The following APP variants were observed in gnomAD, a reference collection of about 807,000 sequenced individuals.
The protein encoded by APP is amyloid-beta precursor protein.
A neutral mutation model predicts 101.4 loss-of-function variants in APP; 31 were observed. The ratio of observed to expected loss-of-function variants is 0.31; its 90% CI spans 0.23 to 0.41. The LOEUF is 0.41. APP is among the 10% of genes least tolerant of loss of function. The pLI, the probability that APP is intolerant of heterozygous loss-of-function variation, is 1.00. For synonymous variants in APP, 366 were observed against 364.4 expected (o/e 1.00, Z -0.05); for missense variants, 839 against 1,003.7 (o/e 0.84, Z 2.22).
At chr21:26,153,897 A>G (rs965184282) in intron 1 of APP, among the ~76,000 whole-genome samples, 1 of 152,244 alleles carries the variant, frequency 6.6e-6, no homozygotes, top group African/African-American at 2.4e-5. Flanking sequence ...ATGCTGGTAA[A>G]TATTTCAGGA....
chr21:25,944,424 T>G (rs575717077), intron 13 of APP, among the ~76,000 whole-genome samples: 1 of 152,174 alleles, frequency 6.6e-6, no homozygotes, highest in African/African-American at 2.4e-5. Context: ...CTTCTATGAT[T>G]TACTTTCTAA....
chr21:26,144,185 C>T (rs1004558714), intron 1 of APP, among the ~76,000 whole-genome samples: 18 of 152,024 alleles, frequency 1.2e-4, no homozygotes, highest in African/African-American at 3.4e-4. Context: ...TGGGGGAAAC[C>T]GCCTCTATGA....
At chr21:25,955,565 A>T in intron 12 of APP, 62 bp downstream of exon 12, 1 of 1,612,780 alleles carries the variant, frequency 6.2e-7, no homozygotes, top group Non-Finnish European at 8.5e-7. Flanking sequence ...CCTGTCACCA[A>T]CCCAAGAAGC....
chr21:26,085,716 CTT>C (rs1424592365), intron 3 of APP, among the ~76,000 whole-genome samples: 1 of 152,120 alleles, frequency 6.6e-6, no homozygotes, highest in Non-Finnish European at 1.5e-5. Flanking sequence ...CAAATACATC[CTT>C]TCCATGCTAA....
chr21:26,164,404 T>C (rs1461654573), intron 1 of APP, among the ~76,000 whole-genome samples: 1 of 152,254 alleles, frequency 6.6e-6, no homozygotes, highest in Non-Finnish European at 1.5e-5. Context: ...GCATTTGAAA[T>C]CTTCCATTTC....
chr21:26,138,411 T>C (rs2062966477), intron 1 of APP, among the ~76,000 whole-genome samples: 1 of 151,826 alleles, frequency 6.6e-6, no homozygotes, highest in African/African-American at 2.4e-5. Context: ...ACTTATAGAA[T>C]GTCATTCTCA....
At chr21:26,065,212 T>C (rs1321237680) in intron 3 of APP, among the ~76,000 whole-genome samples, 1 of 152,182 alleles carries the variant, frequency 6.6e-6, no homozygotes, top group Non-Finnish European at 1.5e-5. Context: ...CACAGGATCA[T>C]TGTCAGGGCA....
At chr21:25,940,460 C>G (rs1336905205) in intron 13 of APP, among the ~76,000 whole-genome samples, 1 of 152,156 alleles carries the variant, frequency 6.6e-6, no homozygotes, top group Non-Finnish European at 1.5e-5. Context: ...CTTATCATGA[C>G]AAGGCATAAC....
chr21:25,918,793 G>C (rs983815151), intron 13 of APP, among the ~76,000 whole-genome samples: 17 of 150,578 alleles, frequency 1.1e-4, no homozygotes, highest in African/African-American at 4.1e-4. Flanking sequence ...AGGCGGCAGC[G>C]AGGCTGGGGG....
chr21:26,109,459 TC>T (rs1203520173), intron 2 of APP, among the ~76,000 whole-genome samples: 1 of 152,174 alleles, frequency 6.6e-6, no homozygotes, highest in Non-Finnish European at 1.5e-5. Context: ...TGTGTCTTCT[TC>T]CCCTTCACCT....
At chr21:25,901,630 A>T (rs538425610) in intron 15 of APP, among the ~76,000 whole-genome samples, 4 of 152,214 alleles carry the variant, frequency 2.6e-5, no homozygotes, top group Non-Finnish European at 5.9e-5. Flanking sequence ...GCATGTAATA[A>T]AATGTGATGA....
At chr21:26,087,893 G>A (rs985298189) in intron 3 of APP, among the ~76,000 whole-genome samples, 1 of 152,194 alleles carries the variant, frequency 6.6e-6, no homozygotes, top group Non-Finnish European at 1.5e-5. Flanking sequence ...CAGTCTCCGT[G>A]TAATTATAAT....
rs114945000 is a variant in APP, at chr21:26,056,404, T to C, written c.356-3056A>G. 3.0e-3 allele frequency among the ~76,000 whole-genome samples: 452 copies of C among 152,310 alleles called. 2 individuals are homozygous for C. Among genetic ancestry groups the C allele is most frequent in the African/African-American group, 0.01 (426 of 41,558 alleles). ...CTTAAAAGCCTGAATTAATTAAAAGTTGCCTTGGATATTAGGAGTTCATTA... is the reference window on the plus strand; with the variant it reads ...CTTAAAAGCCTGAATTAATTAAAAGCTGCCTTGGATATTAGGAGTTCATTA... On this transcript the variant is annotated intron_variant, in intron 3 of 17. Transcript: ENST00000346798.
intron 1 of APP, among the ~76,000 whole-genome samples, chr21:26,167,457 T>C (rs748100097): frequency 2.6e-5 from 4 of 152,386 alleles, no homozygotes; most frequent in Non-Finnish European, 4.4e-5. Context: ...TGTACATTTC[T>C]ACTGAATTTA....
At chr21:26,054,541 TG>T (rs954572609) in intron 3 of APP, among the ~76,000 whole-genome samples, 3 of 150,236 alleles carry the variant, frequency 2.0e-5, no homozygotes, top group African/African-American at 7.3e-5. Flanking sequence ...GAAGTAGCAC[TG>T]GGGAAGCATG....
chr21:26,162,351 A>C (rs1331036361), intron 1 of APP, among the ~76,000 whole-genome samples: 1 of 152,218 alleles, frequency 6.6e-6, no homozygotes, highest in East Asian at 1.9e-4. Context: ...CAGTATCAAT[A>C]TGCTTTTGAA....
intron 13 of APP, among the ~76,000 whole-genome samples, chr21:25,945,183 A>C (rs1167287938): frequency 6.6e-6 from 1 of 152,174 alleles, no homozygotes; most frequent in Non-Finnish European, 1.5e-5. Context: ...TCTCACCAAA[A>C]TTTGGAGTAA....
In APP at chr21:26,140,217, T is replaced by TC. The variant is rs774950166; in HGVS notation, c.58-28072dup. ...CATTTGAATCTGGGGAAGAGCTGGC[T>TC]CCAATCATTGTCAATTACATCAGCA... On this transcript the variant is annotated intron_variant, in intron 1 of 17. Transcript: ENST00000346798. 5 of 1,536,010 alleles carry TC rather than the reference T, an allele frequency of 3.3e-6. No homozygotes were observed. In the Admixed American group the frequency reaches 5.9e-5, roughly 18 times the overall value.
At chr21:25,906,753 G>C (rs1221866377) in intron 14 of APP, among the ~76,000 whole-genome samples, 2 of 152,118 alleles carry the variant, frequency 1.3e-5, no homozygotes, top group Admixed American at 1.3e-4. Context: ...ATTGTACTTT[G>C]TGAGAATTTC....
Sources: gnomAD v4.1 joint callset for allele counts (sites outside exome capture counted in the v4.1 genomes callset) on GRCh38, gnomAD v4.1.1 for gene constraint, MANE v1.5 for transcripts, NCBI Gene and HGNC (gene_info 2026-07-23, HGNC 2026-07-21) for gene names.